The following PCCA variants were observed in gnomAD, a reference collection of about 807,000 sequenced individuals.
PCCA encodes propionyl-CoA carboxylase subunit alpha.
A neutral mutation model predicts 101.3 loss-of-function variants in PCCA; 74 were observed. The ratio of observed to expected loss-of-function variants is 0.73; its 90% CI spans 0.61 to 0.89. The LOEUF is 0.89. Ranked by LOEUF, PCCA falls within the 40% of genes least tolerant of loss-of-function variation. PCCA has a pLI of 0.00. For synonymous variants in PCCA, 294 were observed against 313.6 expected, an observed-to-expected ratio of 0.94 and a Z score of 0.66; for missense variants, 891 against 907.0, an observed-to-expected ratio of 0.98 and a Z score of 0.23.
chr13:100,478,938 G>C (rs1290978608), intron 21 of PCCA, among the ~76,000 whole-genome samples: 1 of 152,194 alleles, frequency 6.6e-6, no homozygotes, highest in Non-Finnish European at 1.5e-5. Flanking sequence ...ACAGGGTTCA[G>C]AGGGATAGAA....
chr13:100,192,578 G>T lies in PCCA; in HGVS notation c.469-16754G>T, dbSNP rs2057809151. 2.0e-5 allele frequency among the ~76,000 whole-genome samples: 3 copies of T among 152,158 alleles called. No individual in the cohort carries two copies. The South Asian group carries it at 6.2e-4, about 31-fold the overall frequency. ...GATGATCAAAAAACTGTTTACGCATGCACCAGTAGTCCCAGCTACTCAGGA... is the reference window on the plus strand; with the variant it reads ...GATGATCAAAAAACTGTTTACGCATTCACCAGTAGTCCCAGCTACTCAGGA... On this transcript the variant is annotated intron_variant, in intron 6 of 23. Transcript: ENST00000376285.
chr13:100,096,089 AAGGC>A (rs1222344938), intron 1 of PCCA, among the ~76,000 whole-genome samples: 1 of 152,146 alleles, frequency 6.6e-6, no homozygotes, highest in Non-Finnish European at 1.5e-5. Context: ...GTGGGGTTTG[AAGGC>A]AGATACAGAT....
At chr13:100,247,431 T>C (rs2061503532) in intron 8 of PCCA, among the ~76,000 whole-genome samples, 1 of 151,146 alleles carries the variant, frequency 6.6e-6, no homozygotes, top group Non-Finnish European at 1.5e-5. Flanking sequence ...TTAGCCAGGA[T>C]GGTCTTGATC....
intron 2 of PCCA, among the ~76,000 whole-genome samples, chr13:100,107,310 G>A (rs537546450): frequency 2.8e-4 from 42 of 152,070 alleles, no homozygotes; most frequent in Non-Finnish European, 5.7e-4. Flanking sequence ...TTAACTTATG[G>A]TAGCTTGCTT....
chr13:100,432,752 C>T (rs2079644137), intron 20 of PCCA, among the ~76,000 whole-genome samples: 1 of 152,136 alleles, frequency 6.6e-6, no homozygotes, highest in Admixed American at 6.5e-5. Flanking sequence ...CTTCATCCTC[C>T]ACTAGGGTGC....
intron 18 of PCCA, among the ~76,000 whole-genome samples, chr13:100,361,706 G>A (rs986052590): frequency 5.3e-5 from 8 of 152,070 alleles, no homozygotes; most frequent in East Asian, 1.9e-4. Context: ...GATAAGATGC[G>A]GTTTCCCAGC....
rs147051339 is a variant in PCCA at position 100,400,828 on chromosome 13, G to C, written c.1747-24805G>C. Among the ~76,000 whole-genome samples the C allele has an allele frequency of 3.2e-3, 482 of 151,956 alleles. 3 individuals are homozygous for C. The highest frequency in any genetic ancestry group is 0.011 in the African/African-American group (444 of 41,408). On this transcript the variant is annotated intron_variant, in intron 19 of 23. Coordinates refer to ENST00000376285, the MANE Select transcript of PCCA (RefSeq NM_000282.4). ...TTTAGTAGAGACGGGGTTTCACCAT[G>C]TTGGCCAGGATGGTTTCGAACTCCT...
intron 12 of PCCA, among the ~76,000 whole-genome samples, chr13:100,276,314 A>G (rs1274409121): frequency 6.7e-6 from 1 of 150,104 alleles, no homozygotes; most frequent in African/African-American, 2.5e-5. Flanking sequence ...TTCTGGTGAG[A>G]CTTCCCCACT....
At chr13:100,156,369 G>A (rs886797036) in intron 5 of PCCA, among the ~76,000 whole-genome samples, 3 of 152,132 alleles carry the variant, frequency 2.0e-5, no homozygotes, top group Non-Finnish European at 4.4e-5. Flanking sequence ...TGCCCAGCCC[G>A]AGTTCAGCAT....
At chr13:100,410,236 G>GTTGTT (rs1258863360) in intron 19 of PCCA, among the ~76,000 whole-genome samples, 5 of 151,846 alleles carry the variant, frequency 3.3e-5, no homozygotes, top group Admixed American at 1.3e-4. Flanking sequence ...TGTTTTTGTT[G>GTTGTT]TTGTTTTGTT....
rs191166139 is a variant in PCCA at position 100,494,450 on chromosome 13, G to A, written c.1900-20977G>A. On this transcript the variant is annotated intron_variant, in intron 21 of 23. Coordinates refer to ENST00000376285, the MANE Select transcript of PCCA (RefSeq NM_000282.4). ...TGTAATCCCAGCACTTTGGGAGGCC[G>A]AGGCAGGTGGATCACCTGAGGTCGG... 3.0e-4 allele frequency among the ~76,000 whole-genome samples: 45 copies of A among 152,236 alleles called. No homozygotes were observed. In the East Asian group the frequency reaches 6.8e-3, roughly 23 times the overall value.
At chr13:100,338,108 A>T (rs774615258) in intron 17 of PCCA, among the ~76,000 whole-genome samples, 2 of 152,184 alleles carry the variant, frequency 1.3e-5, no homozygotes, top group African/African-American at 2.4e-5. Flanking sequence ...AATGCAGATT[A>T]TTACCCCTTG....
intron 2 of PCCA, among the ~76,000 whole-genome samples, chr13:100,103,916 G>T (rs558254911): frequency 6.6e-6 from 1 of 152,208 alleles, no homozygotes; most frequent in South Asian, 2.1e-4. Context: ...GATTACAGGC[G>T]TGAGCCACTG....
At chr13:100,129,064 A>G (rs1594250079) in intron 4 of PCCA, among the ~76,000 whole-genome samples, 1 of 152,198 alleles carries the variant, frequency 6.6e-6, no homozygotes. Flanking sequence ...CATTACCCAA[A>G]CTGAACTTTG....
intron 20 of PCCA, among the ~76,000 whole-genome samples, chr13:100,434,878 T>C (rs2079815703): frequency 6.6e-6 from 1 of 152,324 alleles, no homozygotes. Context: ...AGCTTAAGAA[T>C]TCGACCTCCT....
chr13:100,463,736 A>G (rs551107922), intron 21 of PCCA, among the ~76,000 whole-genome samples: 1 of 152,344 alleles, frequency 6.6e-6, no homozygotes, highest in South Asian at 2.1e-4. Context: ...GGCAAAGCAG[A>G]GGCCAGGCCC....
chr13:100,370,882 A>G (rs763556025), intron 19 of PCCA, among the ~76,000 whole-genome samples: 3 of 152,124 alleles, frequency 2.0e-5, no homozygotes, highest in South Asian at 2.1e-4. Flanking sequence ...AAATTAGCCT[A>G]CAGGTGACAA....
At chr13:100,209,604 A>G (rs372094261) in intron 7 of PCCA, 141 bp downstream of exon 7, 6 of 657,190 alleles carry the variant, frequency 9.1e-6, no homozygotes, top group South Asian at 5.1e-5. Flanking sequence ...ACATGTATAT[A>G]TGTTTAAAAA....
At chr13:100,451,799 T>G (rs533997653) in intron 21 of PCCA, among the ~76,000 whole-genome samples, 32 of 129,038 alleles carry the variant, frequency 2.5e-4, no homozygotes, top group Admixed American at 2.3e-3. Flanking sequence ...TCCTCTCCTC[T>G]CTGTCCTCTT....
Sources: gnomAD v4.1 joint callset for allele counts (sites outside exome capture counted in the v4.1 genomes callset) on GRCh38, gnomAD v4.1.1 for gene constraint, MANE v1.5 for transcripts, NCBI Gene and HGNC (gene_info 2026-07-23, HGNC 2026-07-21) for gene names.